Variants in CASZ1 observed in about 807,000 individuals in gnomAD.
The protein encoded by CASZ1 is zinc finger protein castor homolog 1.
A neutral mutation model predicts 135.2 loss-of-function variants in CASZ1; 28 were observed. The ratio of observed to expected loss-of-function variants is 0.21; its 90% CI spans 0.15 to 0.28. The LOEUF is 0.28. CASZ1 is among the 10% of genes least tolerant of loss of function. CASZ1 has a pLI of 1.00. For synonymous variants in CASZ1, 1,068 were observed against 1,073.4 expected, an observed-to-expected ratio of 0.99 and a Z score of 0.10; for missense variants, 2,161 against 2,453.3, an observed-to-expected ratio of 0.88 and a Z score of 2.52.
At chr1:10,653,155 A>C in intron 11 of CASZ1, 1 of 619,274 alleles carries the variant, frequency 1.6e-6, no homozygotes, top group African/African-American at 1.8e-5. Flanking sequence ...CAGATGGGGA[A>C]ACAGAAGCAT....
At chr1:10,678,917 T>G (rs779260146) in intron 4 of CASZ1, among the ~76,000 whole-genome samples, 14 of 152,230 alleles carry the variant, frequency 9.2e-5, no homozygotes, top group Non-Finnish European at 1.6e-4. Context: ...TTAGCCTAAA[T>G]TCTTCATTTC....
At chr1:10,740,151 T>C (rs1639886172) in intron 2 of CASZ1, among the ~76,000 whole-genome samples, 1 of 152,234 alleles carries the variant, frequency 6.6e-6, no homozygotes, top group South Asian at 2.1e-4. Context: ...TTACCGATTC[T>C]ATGTCACAAA....
rs576705929 is a variant in CASZ1, at chr1:10,643,074, C to T, written c.4021-74G>A. 99 of 1,593,276 alleles carry T rather than the reference C, an allele frequency of 6.2e-5. 1 individual carries two copies. The Middle Eastern group carries it at 8.5e-4, about 14-fold the overall frequency. ...GCCCACAGAGGGCAGGCTGAGGCTC[C>T]ATGCAGCACAGGCCTGAGAGTGAGC... On this transcript the variant is annotated intron_variant, in intron 19 of 20. Coordinates refer to ENST00000377022, the MANE Select transcript of CASZ1 (RefSeq NM_001079843.3).
intron 1 of CASZ1, among the ~76,000 whole-genome samples, chr1:10,763,385 G>A (rs550181911): frequency 2.0e-5 from 3 of 152,256 alleles, no homozygotes; most frequent in South Asian, 4.1e-4. Flanking sequence ...ATCTCCCTAG[G>A]TTCCGTCCCC....
intron 2 of CASZ1, among the ~76,000 whole-genome samples, chr1:10,708,790 G>C (rs1639225369): frequency 6.6e-6 from 1 of 152,028 alleles, no homozygotes; most frequent in Non-Finnish European, 1.5e-5. Context: ...AGAGGAGAGA[G>C]TGAAAGACAG....
chr1:10,779,422 C>T (rs1393106267), intron 1 of CASZ1, among the ~76,000 whole-genome samples: 2 of 152,098 alleles, frequency 1.3e-5, no homozygotes, highest in East Asian at 3.9e-4. Flanking sequence ...GTGGCTGGCA[C>T]AGCCGGTGAG....
At chr1:10,785,034 TCTTG>T (rs950424110) in intron 1 of CASZ1, among the ~76,000 whole-genome samples, 2 of 56,518 alleles carry the variant, frequency 3.5e-5, no homozygotes, top group Non-Finnish European at 9.7e-5. Flanking sequence ...TGTCTTTCTT[TCTTG>T]CTTGCTTGCT....
In CASZ1 at chr1:10,694,837, G is replaced by A. The variant is rs1277360710; in HGVS notation, c.-23-925C>T. 6.9e-6 allele frequency among the ~76,000 whole-genome samples: 1 copy of A among 144,826 alleles called. No individual in the cohort carries two copies. Among genetic ancestry groups the A allele is most frequent in the Non-Finnish European group, 1.5e-5 (1 of 65,248 alleles). On this transcript the variant is annotated intron_variant, in intron 3 of 20. Transcript: ENST00000377022. This position sits in a 1 kb window ranked among gnomAD's most constrained non-coding sequence, Gnocchi z 6.6. ...CGGGAGGGGACCCGGCGCGGGGCGG[G>A]GAACGCGGCCCGAGTAAGGCGCCCG...
chr1:10,646,979 G>C lies in CASZ1; in HGVS notation c.3498-653C>G, dbSNP rs1344994347. ...GGCCGCCTCCAGGATGCAGAGGGGT[G>C]CAGGAGGACACTGGTCCCAGCCTTC... On this transcript the variant is annotated intron_variant, in intron 16 of 20. Transcript: ENST00000377022. This position sits in a 1 kb window ranked among gnomAD's most constrained non-coding sequence, Gnocchi z 6.4. Among the ~76,000 whole-genome samples the C allele has an allele frequency of 6.6e-6, 1 of 152,156 alleles. No homozygotes were observed. Among genetic ancestry groups the C allele is most frequent in the Non-Finnish European group, 1.5e-5 (1 of 68,030 alleles).
chr1:10,732,677 G>A (rs1639722458), intron 2 of CASZ1, among the ~76,000 whole-genome samples: 1 of 152,208 alleles, frequency 6.6e-6, no homozygotes, highest in South Asian at 2.1e-4. Context: ...CCTACAAGTA[G>A]TAAAAGAATC....
chr1:10,748,118 A>G (rs1291507321), intron 2 of CASZ1, among the ~76,000 whole-genome samples: 2 of 152,050 alleles, frequency 1.3e-5, no homozygotes. Context: ...GCGCCCGGCC[A>G]TGTGCTCGCC....
At chr1:10,750,456 T>C (rs1333387908) in intron 2 of CASZ1, among the ~76,000 whole-genome samples, 1 of 152,092 alleles carries the variant, frequency 6.6e-6, no homozygotes, top group Non-Finnish European at 1.5e-5. Context: ...CTAATTTTTA[T>C]TTTTTAATTT....
chr1:10,766,193 G>A (rs1289109564), intron 1 of CASZ1, among the ~76,000 whole-genome samples: 6 of 151,158 alleles, frequency 4.0e-5, no homozygotes, highest in East Asian at 1.9e-4. Flanking sequence ...CAAAACACAC[G>A]TTCAGCACGT....
In CASZ1 at chr1:10,755,854, C is replaced by T. The variant is rs1463088730; in HGVS notation, c.-77+4847G>A. ...GGTGGGGAACCCTCCTGCTCCCACCCCTCTGCACCCCCCACCCCAGCTGCA... is the reference window on the plus strand; with the variant it reads ...GGTGGGGAACCCTCCTGCTCCCACCTCTCTGCACCCCCCACCCCAGCTGCA... On this transcript the variant is annotated intron_variant, in intron 2 of 20. Coordinates refer to ENST00000377022, the MANE Select transcript of CASZ1 (RefSeq NM_001079843.3). The surrounding 1 kb of genome is among the most constrained non-coding windows in gnomAD (Gnocchi z 4.3). Among the ~76,000 whole-genome samples the T allele has an allele frequency of 6.6e-6, 1 of 152,072 alleles. No homozygotes were observed. The highest frequency in any genetic ancestry group is 2.4e-5 in the African/African-American group (1 of 41,408).
chr1:10,761,157 C>T (rs1557556956), intron 1 of CASZ1, among the ~76,000 whole-genome samples: 1 of 152,248 alleles, frequency 6.6e-6, no homozygotes, highest in African/African-American at 2.4e-5. Flanking sequence ...TCAGGTGCCT[C>T]CCCAGGTAAC....
At chr1:10,714,800 G>C (rs1639347965) in intron 2 of CASZ1, among the ~76,000 whole-genome samples, 1 of 152,148 alleles carries the variant, frequency 6.6e-6, no homozygotes, top group Admixed American at 6.5e-5. Flanking sequence ...TCTGTCTCCA[G>C]GCCTCGGCCT....
At chr1:10,643,417 G>A (rs1642270703) in intron 18 of CASZ1, 106 bp from the exon 19 acceptor site, 1 of 1,239,526 alleles carries the variant, frequency 8.1e-7, no homozygotes, top group Non-Finnish European at 1.1e-6. Context: ...TGGTCAGTAA[G>A]GCAGATGGTA....
At chr1:10,674,821 C>A (rs770633081) in intron 4 of CASZ1, among the ~76,000 whole-genome samples, 103 of 152,290 alleles carry the variant, frequency 6.8e-4, no homozygotes, top group Non-Finnish European at 1.4e-3. Flanking sequence ...CCCGCTAAAG[C>A]CAACTTCTTC....
intron 2 of CASZ1, among the ~76,000 whole-genome samples, chr1:10,730,578 AT>A: frequency 6.6e-6 from 1 of 152,190 alleles, no homozygotes; most frequent in East Asian, 1.9e-4. Context: ...ACAAATTGTG[AT>A]TTTTCAGATT....
Sources: gnomAD v4.1 joint callset for allele counts (sites outside exome capture counted in the v4.1 genomes callset) on GRCh38, gnomAD v4.1.1 for gene constraint, Gnocchi (gnomAD v3.1) non-coding constraint, MANE v1.5 for transcripts, NCBI Gene and HGNC (gene_info 2026-07-23, HGNC 2026-07-21) for gene names.